Variants in SDK1 observed in about 807,000 individuals in gnomAD.
The protein encoded by SDK1 is protein sidekick-1.
SDK1 carries 157 observed loss-of-function variants against 245.5 expected under a neutral mutation model. The ratio of observed to expected loss-of-function variants is 0.64; its 90% CI spans 0.56 to 0.73. The LOEUF (loss-of-function observed/expected upper bound fraction) is 0.73. SDK1 is among the 30% of genes least tolerant of loss of function. The probability of loss-of-function intolerance (pLI) is 0.00; values close to 1 mark genes in which losing one functional copy is unlikely to be tolerated. For synonymous variants in SDK1, 1,647 were observed against 1,278.5 expected (o/e 1.29, Z -6.15); for missense variants, 3,583 against 3,002.3 (o/e 1.19, Z -4.52).
At chr7:3,845,570 G>T (rs1780257015) in intron 5 of SDK1, among the ~76,000 whole-genome samples, 1 of 150,884 alleles carries the variant, frequency 6.6e-6, no homozygotes, top group Non-Finnish European at 1.5e-5. Context: ...GGGTACGTTA[G>T]GCAGGCCAGC....
At chr7:3,346,572 G>C (rs1780502534) in intron 1 of SDK1, among the ~76,000 whole-genome samples, 1 of 150,616 alleles carries the variant, frequency 6.6e-6, no homozygotes, top group Non-Finnish European at 1.5e-5. Context: ...GGAGCTCAGT[G>C]ATGTGATCAT....
At chr7:3,554,009 G>A (rs1013955763) in intron 1 of SDK1, among the ~76,000 whole-genome samples, 1 of 152,182 alleles carries the variant, frequency 6.6e-6, no homozygotes, top group East Asian at 1.9e-4. Context: ...GCCCACAAAA[G>A]TAGACCAGGA....
intron 42 of SDK1, among the ~76,000 whole-genome samples, chr7:4,239,132 A>G (rs971714741): frequency 6.6e-6 from 1 of 152,256 alleles, no homozygotes; most frequent in Non-Finnish European, 1.5e-5. Context: ...GCATTCAGTC[A>G]ATAAGCATTT....
intron 1 of SDK1, among the ~76,000 whole-genome samples, chr7:3,428,901 G>T (rs1365597670): frequency 6.6e-6 from 1 of 152,228 alleles, no homozygotes; most frequent in Non-Finnish European, 1.5e-5. Flanking sequence ...TAGCAGTGGA[G>T]ATATTGAGAT....
intron 4 of SDK1, among the ~76,000 whole-genome samples, chr7:3,765,636 C>T (rs773292994): frequency 6.6e-6 from 1 of 152,132 alleles, no homozygotes; most frequent in Non-Finnish European, 1.5e-5. Context: ...ACTCATTATA[C>T]GAAGGTGGAA....
intron 1 of SDK1, among the ~76,000 whole-genome samples, chr7:3,562,920 G>A (rs1254005085): frequency 1.9e-5 from 1 of 52,170 alleles, no homozygotes; most frequent in East Asian, 4.9e-4. Context: ...ACAAGAGATA[G>A]GGGAGGTAAG....
At chr7:3,503,483 A>T (rs1782283055) in intron 1 of SDK1, among the ~76,000 whole-genome samples, 1 of 152,132 alleles carries the variant, frequency 6.6e-6, no homozygotes, top group African/African-American at 2.4e-5. Context: ...GTTTGAGACC[A>T]GCCGGGCAAT....
Position 3,904,815 on chromosome 7 carries a change from A to T in SDK1, c.848-46108A>T, listed in dbSNP as rs557624363. Among the ~76,000 whole-genome samples the T allele has an allele frequency of 6.6e-5, 10 of 152,220 alleles. No individual in the cohort carries two copies. In the South Asian group the frequency reaches 2.1e-3, roughly 32 times the overall value. ...GAGACCATCCTGGAGAACACAATAGAATCCCGTCTCTACTGAAAATACAAA... is the reference window on the plus strand; with the variant it reads ...GAGACCATCCTGGAGAACACAATAGTATCCCGTCTCTACTGAAAATACAAA... On this transcript the variant is annotated intron_variant, in intron 5 of 44. Coordinates refer to ENST00000404826, the MANE Select transcript of SDK1 (RefSeq NM_152744.4).
At chr7:4,229,564 C>T (rs888874847) in intron 40 of SDK1, among the ~76,000 whole-genome samples, 1 of 151,876 alleles carries the variant, frequency 6.6e-6, no homozygotes, top group Non-Finnish European at 1.5e-5. Flanking sequence ...GGTGATGGTA[C>T]AGGAAGGGAG....
At chr7:4,179,851 A>G (rs898517035) in intron 35 of SDK1, among the ~76,000 whole-genome samples, 1 of 151,744 alleles carries the variant, frequency 6.6e-6, no homozygotes. Context: ...GTTGGCCCCC[A>G]TGGCTGGGGG....
intron 4 of SDK1, among the ~76,000 whole-genome samples, chr7:3,816,318 G>T (rs975826129): frequency 6.6e-5 from 10 of 151,194 alleles, no homozygotes; most frequent in African/African-American, 2.4e-4. Context: ...CTGGTTTTTT[G>T]AAAGGATCAA....
At chr7:3,803,398 C>T (rs1371239947) in intron 4 of SDK1, among the ~76,000 whole-genome samples, 2 of 151,374 alleles carry the variant, frequency 1.3e-5, no homozygotes, top group African/African-American at 2.4e-5. Flanking sequence ...GCAACCTCCA[C>T]CTCTGAAATT....
intron 4 of SDK1, among the ~76,000 whole-genome samples, chr7:3,786,534 C>T (rs367742677): frequency 2.6e-5 from 4 of 152,128 alleles, no homozygotes; most frequent in African/African-American, 9.7e-5. Flanking sequence ...TAAGCCTCTC[C>T]ATGTACAAGA....
At chr7:3,645,751 C>T (rs376808487) in intron 4 of SDK1, among the ~76,000 whole-genome samples, 8 of 152,264 alleles carry the variant, frequency 5.3e-5, no homozygotes, top group African/African-American at 9.6e-5. Flanking sequence ...AGTCAGATGG[C>T]ATCATATTTG....
At chr7:3,942,974 C>T (rs1780423578) in intron 5 of SDK1, among the ~76,000 whole-genome samples, 1 of 152,180 alleles carries the variant, frequency 6.6e-6, no homozygotes, top group African/African-American at 2.4e-5. Context: ...TCTGGTGTGG[C>T]ACAGGGAGCA....
rs531979110 is a variant in SDK1 at position 4,027,889 on chromosome 7, C to T, written c.2602+10537C>T. Among the ~76,000 whole-genome samples, 5 of 151,000 alleles carry T rather than the reference C, an allele frequency of 3.3e-5. No homozygotes were observed. In the East Asian group the frequency reaches 7.9e-4, roughly 24 times the overall value. On this transcript the variant is annotated intron_variant, in intron 17 of 44. Coordinates refer to ENST00000404826, the MANE Select transcript of SDK1 (RefSeq NM_152744.4). ...AAGGGGGAGAAGGGGCTTGTGGGAACGAGAGTAGGGGCTTTCTATCAACCA... is the reference window on the plus strand; with the variant it reads ...AAGGGGGAGAAGGGGCTTGTGGGAATGAGAGTAGGGGCTTTCTATCAACCA...
chr7:3,394,984 ATG>A (rs1161827253), intron 1 of SDK1, among the ~76,000 whole-genome samples: 8 of 151,906 alleles, frequency 5.3e-5, no homozygotes, highest in Non-Finnish European at 1.2e-4. Flanking sequence ...TACAAACCGA[ATG>A]TCTTTTATTT....
chr7:4,110,866 T>C (rs903254604), intron 23 of SDK1, 94 bp downstream of exon 23: 3 of 822,658 alleles, frequency 3.6e-6, no homozygotes, highest in Non-Finnish European at 6.3e-6. Flanking sequence ...GTCGTACGTA[T>C]GCAAATCAGA....
At chr7:3,405,814 C>CTTTTTTTTTTTTT (rs534692477) in intron 1 of SDK1, among the ~76,000 whole-genome samples, 1 of 125,386 alleles carries the variant, frequency 8.0e-6, no homozygotes, top group Non-Finnish European at 1.7e-5. Context: ...TTCTTTCTTT[C>CTTTTTTTTTTTTT]TTTTTTTTTT....
Sources: allele counts gnomAD v4.1 joint callset (sites outside exome capture counted in the v4.1 genomes callset), GRCh38; gene constraint gnomAD v4.1.1; transcripts MANE v1.5; gene names NCBI Gene and HGNC (gene_info 2026-07-23, HGNC 2026-07-21).